UXS1: variants seen among roughly 807,000 people sequenced by gnomAD.
UXS1 encodes the protein UDP-glucuronic acid decarboxylase 1.
UXS1 carries 33 observed loss-of-function variants against 62.6 expected under a neutral mutation model. That is an observed-to-expected ratio of 0.53 (90% CI 0.40 to 0.70). UXS1 has a LOEUF of 0.70. UXS1 is among the 30% of genes least tolerant of loss of function. The pLI is 0.00. For missense variants in UXS1, 434 were observed against 556.3 expected, an observed-to-expected ratio of 0.78 and a Z score of 2.21; for synonymous variants, 213 against 206.8, an observed-to-expected ratio of 1.03 and a Z score of -0.26.
intron 14 of UXS1, among the ~76,000 whole-genome samples, chr2:106,094,593 G>A (rs1052999349): frequency 5.3e-5 from 8 of 152,020 alleles, no homozygotes; most frequent in Non-Finnish European, 1.2e-4. Flanking sequence ...TGATCAACAC[G>A]CCTGATTCTC....
At chr2:106,163,459 C>T (rs529604671) in intron 4 of UXS1, among the ~76,000 whole-genome samples, 4 of 152,288 alleles carry the variant, frequency 2.6e-5, no homozygotes, top group African/African-American at 9.6e-5. Context: ...GAAATTCAGA[C>T]GTTCAGAGTT....
intron 14 of UXS1, among the ~76,000 whole-genome samples, chr2:106,095,970 A>G (rs1573380409): frequency 6.6e-6 from 1 of 152,194 alleles, no homozygotes; most frequent in African/African-American, 2.4e-5. Flanking sequence ...TGCCCCCTTC[A>G]GTAGACACAC....
intron 10 of UXS1, among the ~76,000 whole-genome samples, chr2:106,107,397 C>T (rs1163244363): frequency 1.3e-5 from 2 of 152,190 alleles, no homozygotes; most frequent in East Asian, 1.9e-4. Context: ...ACTCACACAC[C>T]GTCTCTCAGA....
At chr2:106,102,980 T>A (rs1677718726) in intron 11 of UXS1, 1 of 152,156 alleles carries the variant, frequency 6.6e-6, no homozygotes, top group Non-Finnish European at 1.5e-5. Flanking sequence ...TCTAAAAGGG[T>A]TAACAACCAT....
chr2:106,094,720 C>G (rs1174249889), intron 14 of UXS1, among the ~76,000 whole-genome samples: 1 of 152,202 alleles, frequency 6.6e-6, no homozygotes, highest in East Asian at 1.9e-4. Context: ...CAGAAAGCAA[C>G]CTTCATCTGA....
At chr2:106,190,037 C>T (rs1684814406) in intron 1 of UXS1, among the ~76,000 whole-genome samples, 1 of 152,118 alleles carries the variant, frequency 6.6e-6, no homozygotes, top group Non-Finnish European at 1.5e-5. Flanking sequence ...GCCCCGGGGC[C>T]CTTCTTCAGG....
At chr2:106,096,407 A>T (rs1468027374) in intron 14 of UXS1, among the ~76,000 whole-genome samples, 1 of 152,168 alleles carries the variant, frequency 6.6e-6, no homozygotes, top group Non-Finnish European at 1.5e-5. Context: ...CAGTGTGAGT[A>T]TATGTGTGTA....
At chr2:106,098,667 T>A in intron 13 of UXS1, 49 bp downstream of exon 13, 2 of 1,500,002 alleles carry the variant, frequency 1.3e-6, no homozygotes, top group South Asian at 2.3e-5. Flanking sequence ...TATTAACAGA[T>A]AGGGCAGGCA....
chr2:106,172,361 T>C (rs1185997492), intron 1 of UXS1, among the ~76,000 whole-genome samples: 4 of 152,094 alleles, frequency 2.6e-5, no homozygotes, highest in African/African-American at 4.8e-5. Flanking sequence ...GACGGAACCA[T>C]GCACAGAGAA....
At chr2:106,116,479 C>T (rs897948731) in intron 9 of UXS1, among the ~76,000 whole-genome samples, 1 of 152,178 alleles carries the variant, frequency 6.6e-6, no homozygotes, top group African/African-American at 2.4e-5. Flanking sequence ...GCATCTGCCG[C>T]CAAAGACTGC....
At chr2:106,106,472 G>T (rs937292612) in intron 10 of UXS1, among the ~76,000 whole-genome samples, 2 of 151,812 alleles carry the variant, frequency 1.3e-5, no homozygotes, top group African/African-American at 4.8e-5. Context: ...ACATTTATAT[G>T]CCAATTCCAC....
At chr2:106,143,434 AAAAAG>A (rs2104990325) in intron 6 of UXS1, among the ~76,000 whole-genome samples, 4 of 125,494 alleles carry the variant, frequency 3.2e-5, no homozygotes, top group African/African-American at 5.7e-5. Flanking sequence ...AAAAAAAAAA[AAAAAG>A]GTATAATTTG....
intron 10 of UXS1, among the ~76,000 whole-genome samples, chr2:106,109,858 G>A (rs1034179875): frequency 2.6e-5 from 4 of 152,162 alleles, no homozygotes; most frequent in Admixed American, 2.0e-4. Flanking sequence ...AGAACGAGAC[G>A]CTGAGCTGTT....
At chr2:106,112,202 A>G (rs927922319) in intron 10 of UXS1, among the ~76,000 whole-genome samples, 8 of 152,200 alleles carry the variant, frequency 5.3e-5, no homozygotes, top group African/African-American at 1.9e-4. Context: ...GAGGGTGGCC[A>G]GTGGAGGATG....
intron 1 of UXS1, among the ~76,000 whole-genome samples, chr2:106,169,696 GAAAA>G (rs1226090172): frequency 1.3e-5 from 2 of 151,952 alleles, no homozygotes; most frequent in Admixed American, 6.6e-5. Context: ...TCAGAAAAAA[GAAAA>G]AAAGTTGATT....
Position 106,094,168 on chromosome 2 carries a change from G to A in UXS1, c.1147-11C>T. The A allele has an allele frequency of 6.2e-7, 1 of 1,606,374 alleles. No homozygotes were observed. Among genetic ancestry groups the A allele is most frequent in the Non-Finnish European group, 8.5e-7 (1 of 1,178,256 alleles). Reference sequence around the variant, plus strand: ...TTCCTCCAGCGGGACCTGTTTAAAGGGAAAGCAAGAAAGGGAGACAAGGTC... The same window carrying A: ...TTCCTCCAGCGGGACCTGTTTAAAGAGAAAGCAAGAAAGGGAGACAAGGTC... On this transcript the variant is annotated splice_polypyrimidine_tract_variant and intron_variant, in intron 14 of 14. Coordinates refer to ENST00000283148, the MANE Select transcript of UXS1 (RefSeq NM_001253875.2).
intron 1 of UXS1, among the ~76,000 whole-genome samples, chr2:106,184,800 C>T (rs11682222): frequency 0.79 from 120,290 of 152,092 alleles, 48,494 homozygotes; most frequent in Non-Finnish European, 0.88. Flanking sequence ...CTGGCCTGTA[C>T]AGAAGTACCA....
intron 12 of UXS1, 68 bp from the exon 13 acceptor site, chr2:106,098,841 G>C: frequency 6.9e-7 from 1 of 1,444,602 alleles, no homozygotes; most frequent in Non-Finnish European, 9.6e-7. Flanking sequence ...CCAGACCACA[G>C]GCGTGTCTGC....
chr2:106,169,587 G>A lies in UXS1; in HGVS notation c.95-3504C>T, dbSNP rs371678966. On this transcript the variant is annotated intron_variant, in intron 1 of 14. Coordinates refer to ENST00000283148, the MANE Select transcript of UXS1 (RefSeq NM_001253875.2). ...CTTCAGTCCCAGCTACATGGCGGGGGCAGAAGCAGAAAGATCGCTTGAGCC... is the reference window on the plus strand; with the variant it reads ...CTTCAGTCCCAGCTACATGGCGGGGACAGAAGCAGAAAGATCGCTTGAGCC... Among the ~76,000 whole-genome samples, 7 of 152,280 alleles carry A rather than the reference G, an allele frequency of 4.6e-5. No individual in the cohort carries two copies. The South Asian group carries it at 1.4e-3, about 32-fold the overall frequency.
Sources: gnomAD v4.1 joint callset for allele counts (sites outside exome capture counted in the v4.1 genomes callset) on GRCh38, gnomAD v4.1.1 for gene constraint, MANE v1.5 for transcripts, NCBI Gene and HGNC (gene_info 2026-07-23, HGNC 2026-07-21) for gene names.